TMC6: variants seen among roughly 807,000 people sequenced by gnomAD.
TMC6 encodes the protein transmembrane channel like 6.
A neutral mutation model predicts 95.4 loss-of-function variants in TMC6; 71 were observed. That is an observed-to-expected ratio of 0.74 (90% confidence interval 0.61 to 0.91). The LOEUF (loss-of-function observed/expected upper bound fraction) is 0.91. Ranked by LOEUF, TMC6 falls within the 40% of genes least tolerant of loss-of-function variation. The pLI is 0.00. For missense variants in TMC6, 1,074 were observed against 1,079.1 expected (o/e 1.00, Z 0.07); for synonymous variants, 514 against 483.1 (o/e 1.06, Z -0.84).
Position 78,122,962 on chromosome 17 carries a change from G to T in TMC6, c.1083-213C>A. The T allele has an allele frequency of 1.5e-6, 1 of 673,522 alleles. No homozygotes were observed. Among genetic ancestry groups the T allele is most frequent in the Admixed American group, 2.4e-5 (1 of 42,256 alleles). 41.7% of individuals were successfully genotyped at this position (673,522 alleles called of 1,614,324 possible). ...AGCACCCACCAGCCACATCTGCCTAGAAGAGGGGGCAGGGCTGCATTCACC... is the reference window on the plus strand; with the variant it reads ...AGCACCCACCAGCCACATCTGCCTATAAGAGGGGGCAGGGCTGCATTCACC... On this transcript the variant is annotated intron_variant, in intron 9 of 19. Transcript: ENST00000590602. This position sits in a 1 kb window ranked among gnomAD's most constrained non-coding sequence, Gnocchi z 4.9.
chr17:78,125,137 G>A (rs1230163169), intron 6 of TMC6, 21 bp downstream of exon 6: 1 of 1,554,070 alleles, frequency 6.4e-7, no homozygotes, highest in Non-Finnish European at 8.7e-7. Context: ...CGGCGGCATG[G>A]TCAGGGTCGG....
At chr17:78,123,402 G>C (rs1026499394) in intron 9 of TMC6, among the ~76,000 whole-genome samples, 5 of 151,896 alleles carry the variant, frequency 3.3e-5, no homozygotes, top group Non-Finnish European at 2.9e-5. Context: ...TGAACGGATG[G>C]GTGGATGAAT....
intron 19 of TMC6, 122 bp from the exon 20 acceptor site, chr17:78,113,333 GTA>G: frequency 1.6e-6 from 2 of 1,275,816 alleles, no homozygotes; most frequent in Non-Finnish European, 2.2e-6. Flanking sequence ...CTCCTGAGAT[GTA>G]TTTTAGGTCC....
In TMC6 at chr17:78,109,936, C is replaced by G. The variant is rs1319200031; in HGVS notation, c.*3212G>C. The G allele has an allele frequency of 4.5e-6, 1 of 221,132 alleles. No individual in the cohort carries two copies. Among genetic ancestry groups the G allele is most frequent in the Non-Finnish European group, 9.2e-6 (1 of 108,240 alleles). 13.7% of individuals were successfully genotyped at this position (221,132 alleles called of 1,614,324 possible). A position where few individuals can be genotyped will look rare whatever the true frequency, so the allele number is the denominator to read the frequency against. On this transcript the variant is annotated 3_prime_UTR_variant, in exon 20 of 20. Transcript: ENST00000590602. Reference sequence around the variant, plus strand: ...ACAAAATTAGCTGGGCATGGTAGCACATGCCTGTAATCCCAGCTACTTGGG... The same window carrying G: ...ACAAAATTAGCTGGGCATGGTAGCAGATGCCTGTAATCCCAGCTACTTGGG...
chr17:78,126,393 G>T, intron 3 of TMC6, 27 bp from the exon 4 acceptor site: 1 of 1,600,654 alleles, frequency 6.2e-7, no homozygotes, highest in Non-Finnish European at 8.5e-7. Context: ...ACTCACCAGG[G>T]GTCCTGGAGA....
chr17:78,109,429 G>A lies in TMC6; in HGVS notation c.*3719C>T, dbSNP rs1029704754. 5 of 456,474 alleles carry A rather than the reference G, an allele frequency of 1.1e-5. No homozygotes were observed. Among genetic ancestry groups the A allele is most frequent in the African/African-American group, 1.0e-4 (5 of 50,046 alleles). The allele number at this position is 456,474 out of a possible 1,614,324, so 28.3% of individuals were successfully genotyped here. A position where few individuals can be genotyped will look rare whatever the true frequency, so the allele number is the denominator to read the frequency against. ...TATCAGTGCTTCTCGGCGGAGCTGT[G>A]GCTGATGGGCTCCTGGTGCAGGACT... On this transcript the variant is annotated 3_prime_UTR_variant, in exon 20 of 20. Coordinates refer to ENST00000590602, the MANE Select transcript of TMC6 (RefSeq NM_001127198.5).
chr17:78,120,939 T>A lies in TMC6; in HGVS notation c.1535+74A>T, dbSNP rs1394307350. On this transcript the variant is annotated intron_variant, in intron 12 of 19. Coordinates refer to ENST00000590602, the MANE Select transcript of TMC6 (RefSeq NM_001127198.5). Reference sequence around the variant, plus strand: ...TCACACCGGCCTCATCCTAAGTAGGTTTGGATACACCCGGAGCTAAACAAC... The same window carrying A: ...TCACACCGGCCTCATCCTAAGTAGGATTGGATACACCCGGAGCTAAACAAC... 3 of 1,611,894 alleles carry A rather than the reference T, an allele frequency of 1.9e-6. No individual in the cohort carries two copies. The Admixed American group carries it at 5.0e-5, about 27-fold the overall frequency.
chr17:78,111,303 T>C lies in TMC6; in HGVS notation c.*1845A>G, dbSNP rs2073820748. 6.6e-6 allele frequency: 1 copy of C among 152,310 alleles called. No individual in the cohort carries two copies. The highest frequency in any genetic ancestry group is 2.4e-5 in the African/African-American group (1 of 41,466). The allele number at this position is 152,310 out of a possible 1,614,324, so 9.4% of individuals were successfully genotyped here. On this transcript the variant is annotated 3_prime_UTR_variant, in exon 20 of 20. Transcript: ENST00000590602. Reference sequence around the variant, plus strand: ...GCCAAGTTCTTCCACTTTCCTGTCATAAGCAGCTAGTACTGTCCTTTGTGA... The same window carrying C: ...GCCAAGTTCTTCCACTTTCCTGTCACAAGCAGCTAGTACTGTCCTTTGTGA...
At position 78,121,729 on chromosome 17, in the gene TMC6, T is replaced by TC. The variant is rs769145300; in HGVS notation, c.1228-19dup. 4.5e-6 allele frequency: 7 copies of TC among 1,565,164 alleles called. No individual in the cohort carries two copies. Among genetic ancestry groups the TC allele is most frequent in the Non-Finnish European group, 6.0e-6 (7 of 1,159,540 alleles). On this transcript the variant is annotated intron_variant, in intron 10 of 19. Coordinates refer to ENST00000590602, the MANE Select transcript of TMC6 (RefSeq NM_001127198.5). This position sits in a 1 kb window ranked among gnomAD's most constrained non-coding sequence, Gnocchi z 5.6. ...AGCAGCTCCTGCAGGCGGCACCGTG[T>TC]CCCCGTCACCCACACCAGAGCACGG...
Position 78,122,760 on chromosome 17 carries a change from G to A in TMC6, c.1083-11C>T. 1 of 1,607,774 alleles carries A rather than the reference G, an allele frequency of 6.2e-7. No individual in the cohort carries two copies. The highest frequency in any genetic ancestry group is 2.2e-5 in the East Asian group (1 of 44,612). On this transcript the variant is annotated splice_polypyrimidine_tract_variant and intron_variant, in intron 9 of 19. Transcript: ENST00000590602. This position sits in a 1 kb window ranked among gnomAD's most constrained non-coding sequence, Gnocchi z 4.9. ...AAAGAGTGAGCCATGCTGGGGAGAA[G>A]CAGACACAGACATGGCAACCAACAA...
At position 78,119,022 on chromosome 17, in the gene TMC6, G is replaced by A. The variant is rs764153856; in HGVS notation, c.1836C>T (p.Leu612=). The A allele has an allele frequency of 7.5e-6, 12 of 1,602,342 alleles. No homozygotes were observed. In the East Asian group the frequency reaches 1.1e-4, roughly 15 times the overall value. The stretch of plus-strand genomic sequence containing the variant: ...GCTTGATGATCTGCACGGCGGGGAG[G>A]AGGGGCGAGAAGAGCACCCCCAGCC... The part of the protein sequence containing the change: ...LTWLGVLFSP[L]LPAVQIIKLL... Residue 612 remains leucine, a synonymous_variant, in exon 15 of 20, where the codon CTC becomes CTT. Coordinates refer to ENST00000590602, the MANE Select transcript of TMC6 (RefSeq NM_001127198.5).
chr17:78,115,361 T>G (rs1172950687), intron 18 of TMC6, among the ~76,000 whole-genome samples: 1 of 152,084 alleles, frequency 6.6e-6, no homozygotes, highest in African/African-American at 2.4e-5. Flanking sequence ...CTAAGGACAC[T>G]GGCACTCACC....
Position 78,124,105 on chromosome 17 carries a change from G to A in TMC6, c.966C>T (p.Pro322=). ...NATLNQPCGS[P]LDGSQCTPRV... ...TGGGTGTGCACTGGCTGCCATCCAG[G>A]GGGCTGCCACACGGCTGGTTCAGCG... The change falls in exon 9 of 20, where the codon CCC becomes CCT. Residue 322 remains proline, a synonymous_variant. Coordinates refer to ENST00000590602, the MANE Select transcript of TMC6 (RefSeq NM_001127198.5). The A allele has an allele frequency of 6.2e-7, 1 of 1,613,348 alleles. No individual in the cohort carries two copies. The highest frequency in any genetic ancestry group is 1.3e-5 in the African/African-American group (1 of 75,016).
intron 18 of TMC6, among the ~76,000 whole-genome samples, chr17:78,115,681 G>GGCGAAGGGAGTGGGCACAGGA: frequency 3.6e-5 from 3 of 83,336 alleles, no homozygotes; most frequent in Admixed American, 1.1e-4. Flanking sequence ...TGGGCACAGG[G>GGCGAAGGGAGTGGGCACAGGA]GCGAAGGGAG....
At chr17:78,116,448 A>C (rs1434004351) in intron 18 of TMC6, among the ~76,000 whole-genome samples, 3 of 150,308 alleles carry the variant, frequency 2.0e-5, no homozygotes, top group Non-Finnish European at 4.4e-5. Context: ...AACTTTTAAA[A>C]TTTTTATAGA....
Position 78,121,834 on chromosome 17 carries a change from G to A in TMC6, c.1228-123C>T. 3.8e-6 allele frequency: 5 copies of A among 1,298,766 alleles called. No individual in the cohort carries two copies. The highest frequency in any genetic ancestry group is 2.5e-5 in the East Asian group (1 of 39,270). 80.5% of individuals were successfully genotyped at this position (1,298,766 alleles called of 1,614,324 possible). ...CAGGAGGCTTGAACCAGGACAGAGG[G>A]CCAGTTCCCCATGCCCCACCTGCCC... On this transcript the variant is annotated intron_variant, in intron 10 of 19. Coordinates refer to ENST00000590602, the MANE Select transcript of TMC6 (RefSeq NM_001127198.5). This position sits in a 1 kb window ranked among gnomAD's most constrained non-coding sequence, Gnocchi z 5.6.
At chr17:78,114,933 C>G (rs549762938) in intron 18 of TMC6, among the ~76,000 whole-genome samples, 59 of 150,418 alleles carry the variant, frequency 3.9e-4, no homozygotes, top group Non-Finnish European at 7.6e-4. Flanking sequence ...AGCTGGGATT[C>G]TCCCAGCACC....
In TMC6 at chr17:78,120,843, C is replaced by T. The variant is rs367991714; in HGVS notation, c.1536-11G>A. The T allele has an allele frequency of 4.4e-4, 715 of 1,611,066 alleles. 2 individuals are homozygous for T. Among genetic ancestry groups the T allele is most frequent in the African/African-American group, 9.6e-4 (72 of 74,856 alleles). ...TTGAGGATGAGGTTCCTGCGGAGGG[C>T]GGGGTGCAAAGGCTGAGGGGCGGGT... On this transcript the variant is annotated splice_polypyrimidine_tract_variant and intron_variant, in intron 12 of 19. Transcript: ENST00000590602.
rs1908016444 is a variant in TMC6, at chr17:78,121,069, C to T, written c.1479G>A (p.Leu493=). ...NLGAPYLCRV[L]AALEPHDSPV... is the part of the protein sequence containing the mutation. ...GGGAGTCATGCGGCTCCAGGGCGGC[C>T]AGGACACGGCACAGGTAGGGGGCCC... The change falls in exon 12 of 20, where the codon CTG becomes CTA. Residue 493 remains leucine, a synonymous_variant. Coordinates refer to ENST00000590602, the MANE Select transcript of TMC6 (RefSeq NM_001127198.5). This position sits in a 1 kb window ranked among gnomAD's most constrained non-coding sequence, Gnocchi z 5.6. The T allele has an allele frequency of 1.9e-6, 3 of 1,613,070 alleles. No individual in the cohort carries two copies. The African/African-American group carries it at 4.0e-5, about 22-fold the overall frequency.
Sources: gnomAD v4.1 joint callset for allele counts (sites outside exome capture counted in the v4.1 genomes callset) on GRCh38, gnomAD v4.1.1 for gene constraint, Gnocchi (gnomAD v3.1) non-coding constraint, MANE v1.5 for transcripts, NCBI Gene and HGNC (gene_info 2026-07-23, HGNC 2026-07-21) for gene names.